Variants in XRN1 observed in about 807,000 individuals in gnomAD.
The protein encoded by XRN1 is 5'-3' exoribonuclease 1.
A neutral mutation model predicts 222.3 loss-of-function variants in XRN1; 67 were observed. The ratio of observed to expected loss-of-function variants is 0.30; its 90% CI spans 0.25 to 0.37. XRN1 has a LOEUF of 0.37. XRN1 is among the 10% of genes least tolerant of loss of function. The pLI, the probability that XRN1 is intolerant of heterozygous loss-of-function variation, is 1.00. For synonymous variants in XRN1, 643 were observed against 652.4 expected (o/e 0.99, Z 0.22); for missense variants, 1,707 against 2,000.2 (o/e 0.85, Z 2.80).
At chr3:142,411,908 G>T (rs1271686687) in intron 15 of XRN1, among the ~76,000 whole-genome samples, 2 of 149,508 alleles carry the variant, frequency 1.3e-5, no homozygotes, top group African/African-American at 4.9e-5. Context: ...TGTAGGCTCC[G>T]CCCCCGGGGG....
At chr3:142,338,231 G>A (rs540191173) in intron 33 of XRN1, among the ~76,000 whole-genome samples, 5 of 152,278 alleles carry the variant, frequency 3.3e-5, no homozygotes, top group African/African-American at 7.2e-5. Flanking sequence ...TCCACTTGAC[G>A]AAAGAAAAGG....
At chr3:142,414,635 A>C (rs1197931437) in intron 13 of XRN1, among the ~76,000 whole-genome samples, 2 of 151,910 alleles carry the variant, frequency 1.3e-5, no homozygotes, top group African/African-American at 4.8e-5. Flanking sequence ...AGCTGGGACT[A>C]CAGGCGCCTG....
chr3:142,390,835 T>G (rs924699433), intron 20 of XRN1, among the ~76,000 whole-genome samples: 1 of 152,162 alleles, frequency 6.6e-6, no homozygotes, highest in Non-Finnish European at 1.5e-5. Context: ...CCTAGAAACA[T>G]GTGATTCTTC....
intron 20 of XRN1, among the ~76,000 whole-genome samples, chr3:142,393,136 T>A (rs1339546349): frequency 1.3e-5 from 2 of 148,248 alleles, no homozygotes; most frequent in African/African-American, 5.0e-5. Flanking sequence ...TTGAGAAGTG[T>A]CTGTTCATGT....
At chr3:142,416,239 C>T (rs1285721330) in intron 13 of XRN1, among the ~76,000 whole-genome samples, 2 of 152,056 alleles carry the variant, frequency 1.3e-5, no homozygotes, top group Non-Finnish European at 2.9e-5. Context: ...TGCAGTGGTG[C>T]GATCTCAGCT....
intron 27 of XRN1, among the ~76,000 whole-genome samples, chr3:142,368,925 C>T (rs1301317487): frequency 6.6e-6 from 1 of 152,140 alleles, no homozygotes; most frequent in East Asian, 1.9e-4. Context: ...GCAATATTAA[C>T]TCAGTTTATC....
rs777802825 is a variant in XRN1, at chr3:142,359,915, A to C, written c.3411T>G (p.Asp1137Glu). ...CATCAAATAATACTTCAAATAGTAC[A>C]TCGGCTTCTCTATTAGCTGTTACAA... ...IGIKGANREA[D>E]VLFEVLFDEE... is the part of the protein sequence containing the mutation. Residue 1137 changes from aspartate (D) to glutamate (E), a missense_variant, in exon 30 of 41, where the codon GAT becomes GAG. Transcript: ENST00000392981. 7.5e-6 allele frequency: 12 copies of C among 1,604,454 alleles called. No individual in the cohort carries two copies. The highest frequency in any genetic ancestry group is 9.4e-6 in the Non-Finnish European group (11 of 1,175,014).
At chr3:142,319,662 A>T (rs1446859766) in intron 37 of XRN1, among the ~76,000 whole-genome samples, 4 of 152,046 alleles carry the variant, frequency 2.6e-5, no homozygotes, top group Non-Finnish European at 5.9e-5. Context: ...CATCCCTCAC[A>T]TCCCTCTTAA....
At chr3:142,400,354 T>A in intron 19 of XRN1, 90 bp downstream of exon 19, 1 of 1,061,058 alleles carries the variant, frequency 9.4e-7, no homozygotes, top group Middle Eastern at 2.1e-4. Context: ...CTTAATATAA[T>A]TTTGTCAGTT....
intron 19 of XRN1, among the ~76,000 whole-genome samples, chr3:142,399,720 T>TAATGGAGAGATGTATGCAG (rs1382356042): frequency 6.7e-6 from 1 of 149,484 alleles, no homozygotes; most frequent in East Asian, 2.0e-4. Flanking sequence ...TAAAATAACA[T>TAATGGAGAGATGTATGCAG]AATGGAGAGA....
intron 27 of XRN1, among the ~76,000 whole-genome samples, chr3:142,369,895 A>C (rs2066936124): frequency 6.6e-6 from 1 of 151,452 alleles, no homozygotes; most frequent in Non-Finnish European, 1.5e-5. Flanking sequence ...AAAAATACAA[A>C]AATTAGCTGG....
At chr3:142,352,875 C>A (rs1160809113) in intron 32 of XRN1, among the ~76,000 whole-genome samples, 1 of 152,176 alleles carries the variant, frequency 6.6e-6, no homozygotes, top group Non-Finnish European at 1.5e-5. Context: ...AACTCCTGAC[C>A]TCAAGTAATC....
intron 33 of XRN1, among the ~76,000 whole-genome samples, chr3:142,345,663 A>AT (rs1470035290): frequency 1.3e-5 from 2 of 152,230 alleles, no homozygotes; most frequent in Non-Finnish European, 2.9e-5. Flanking sequence ...TCCAAGAAGC[A>AT]TGTAATATCT....
intron 30 of XRN1, among the ~76,000 whole-genome samples, chr3:142,358,217 G>A (rs543081890): frequency 1.3e-5 from 2 of 152,252 alleles, no homozygotes; most frequent in East Asian, 3.9e-4. Flanking sequence ...GTGGAGTCCA[G>A]CCCTTTTTTC....
chr3:142,318,583 A>G lies in XRN1; in HGVS notation c.4621+9T>C, dbSNP rs750046275. On this transcript the variant is annotated intron_variant, in intron 39 of 40. Coordinates refer to ENST00000392981, the MANE Select transcript of XRN1 (RefSeq NM_001282857.2). ...AATGACAAATACTTATAAATGAAAA[A>G]TATCTTACCAGTAGGTGGGGGAAAG... 1.3e-6 allele frequency: 2 copies of G among 1,589,104 alleles called. No homozygotes were observed. The highest frequency in any genetic ancestry group is 2.3e-5 in the East Asian group (1 of 44,422).
In XRN1 at chr3:142,318,844, G is replaced by A. The variant is rs1177948656; in HGVS notation, c.4464C>T (p.Cys1488=). The A allele has an allele frequency of 6.2e-7, 1 of 1,613,922 alleles. No individual in the cohort carries two copies. Among genetic ancestry groups the A allele is most frequent in the East Asian group, 2.2e-5 (1 of 44,858 alleles). ...TCTCTTTGGCTTCATTTTCAGAGTG[G>A]CACTGTGGCCCATGTACCAGTAAGC... The part of the protein sequence containing the change: ...SNGLLVHGPQ[C]HSENEAKEKA... Residue 1488 remains cysteine (C), a synonymous_variant, in exon 38 of 41, where the codon TGC becomes TGT. Coordinates refer to ENST00000392981, the MANE Select transcript of XRN1 (RefSeq NM_001282857.2).
At chr3:142,430,324 C>T (rs2069467659) in intron 2 of XRN1, among the ~76,000 whole-genome samples, 2 of 152,250 alleles carry the variant, frequency 1.3e-5, no homozygotes, top group Non-Finnish European at 2.9e-5. Flanking sequence ...GCAACTGAAC[C>T]CAGACTGATG....
In XRN1 at chr3:142,397,338, A is replaced by G; in HGVS notation, c.2330T>C (p.Ile777Thr). 6.3e-7 allele frequency: 1 copy of G among 1,588,594 alleles called. No homozygotes were observed. Among genetic ancestry groups the G allele is most frequent in the South Asian group, 1.2e-5 (1 of 85,716 alleles). ...TTTTAACGATACTCACTGTTCTGAA[A>G]TTCCTTGTACTTCTTTTGCCCAGTT... Reference protein sequence around the residue: ...QSNWAKEVQGISEHYLRRKGI... With the variant: ...QSNWAKEVQGTSEHYLRRKGI... The change falls in exon 20 of 41, where the codon ATT becomes ACT. Residue 777 changes from isoleucine (I) to threonine (T), a missense_variant. Coordinates refer to ENST00000392981, the MANE Select transcript of XRN1 (RefSeq NM_001282857.2).
chr3:142,313,133 C>T, intron 39 of XRN1: 1 of 1,611,518 alleles, frequency 6.2e-7, no homozygotes, highest in Non-Finnish European at 8.5e-7. Context: ...TTAAGGATCT[C>T]ACCTGCCCCC....
Sources: gnomAD v4.1 joint callset for allele counts (sites outside exome capture counted in the v4.1 genomes callset) on GRCh38, gnomAD v4.1.1 for gene constraint, MANE v1.5 for transcripts, NCBI Gene and HGNC (gene_info 2026-07-23, HGNC 2026-07-21) for gene names.